The following VPS13A variants were observed in gnomAD, a reference collection of about 807,000 sequenced individuals.
VPS13A encodes the protein intermembrane lipid transfer protein VPS13A.
Under a neutral mutation model 390.9 loss-of-function variants are expected in VPS13A, and 264 were observed. The ratio of observed to expected loss-of-function variants is 0.68; its 90% CI spans 0.61 to 0.75. VPS13A has a LOEUF of 0.75. Among genes scored for constraint, VPS13A ranks in the 30% least tolerant of loss-of-function variants. The probability of loss-of-function intolerance (pLI) is 0.00; values close to 1 mark genes in which losing one functional copy is unlikely to be tolerated. For missense variants in VPS13A, 3,409 were observed against 3,733.9 expected, an observed-to-expected ratio of 0.91 and a Z score of 2.27; for synonymous variants, 1,231 against 1,227.1, an observed-to-expected ratio of 1.00 and a Z score of -0.07.
At chr9:77,190,507 T>G (rs1824609150) in intron 1 of VPS13A, among the ~76,000 whole-genome samples, 1 of 152,222 alleles carries the variant, frequency 6.6e-6, no homozygotes, top group Non-Finnish European at 1.5e-5. Context: ...TGCATTTATG[T>G]TAATCAGGGA....
intron 55 of VPS13A, 109 bp downstream of exon 55, chr9:77,356,976 T>A: frequency 8.3e-7 from 1 of 1,202,762 alleles, no homozygotes. Context: ...AACAAAATAA[T>A]CCTGTCATAC....
chr9:77,281,325 G>A (rs1160141329), intron 27 of VPS13A, among the ~76,000 whole-genome samples: 4 of 152,114 alleles, frequency 2.6e-5, no homozygotes, highest in Non-Finnish European at 2.9e-5. Context: ...ATAGGAAAGC[G>A]AGGTGACAGA....
intron 23 of VPS13A, among the ~76,000 whole-genome samples, chr9:77,265,860 C>T (rs1275615656): frequency 1.3e-5 from 2 of 152,054 alleles, no homozygotes; most frequent in African/African-American, 2.4e-5. Context: ...TCCTCTTGCT[C>T]TTGCTTCTCT....
At chr9:77,207,518 G>A (rs1825751576) in intron 5 of VPS13A, among the ~76,000 whole-genome samples, 1 of 150,808 alleles carries the variant, frequency 6.6e-6, no homozygotes, top group Admixed American at 6.6e-5. Flanking sequence ...TAGTATCATG[G>A]CTATATATAA....
chr9:77,360,552 A>G lies in VPS13A; in HGVS notation c.8122A>G (p.Ile2708Val). 2 of 1,612,208 alleles carry G rather than the reference A, an allele frequency of 1.2e-6. No individual in the cohort carries two copies. Among genetic ancestry groups the G allele is most frequent in the Non-Finnish European group, 1.7e-6 (2 of 1,178,624 alleles). Reference sequence around the variant, plus strand: ...GTAATACAGGTATTTCAAAGTATTGATTCAAGAAATGGATCTCAGGTTAGA... The same window carrying G: ...GTAATACAGGTATTTCAAAGTATTGGTTCAAGAAATGGATCTCAGGTTAGA... ...ISRIKYFKVL[I>V]QEMDLRLDLG... The change falls in exon 59 of 72, where the codon ATT becomes GTT. Residue 2708 changes from isoleucine (I) to valine (V), a missense_variant. By Grantham distance (29) the Ile-to-Val change is conservative. Coordinates refer to ENST00000360280, the MANE Select transcript of VPS13A (RefSeq NM_033305.3).
At chr9:77,294,033 A>G (rs567738075) in intron 32 of VPS13A, among the ~76,000 whole-genome samples, 1 of 152,040 alleles carries the variant, frequency 6.6e-6, no homozygotes, top group South Asian at 2.1e-4. Flanking sequence ...CCTCCTGAGT[A>G]GCTGAGACTA....
intron 71 of VPS13A, among the ~76,000 whole-genome samples, chr9:77,410,080 G>A (rs1412217282): frequency 6.6e-6 from 1 of 152,182 alleles, no homozygotes; most frequent in Admixed American, 6.5e-5. Context: ...AAGCCCATCA[G>A]ACTAATAGCT....
intron 31 of VPS13A, among the ~76,000 whole-genome samples, chr9:77,287,499 A>G (rs960431847): frequency 1.3e-5 from 2 of 152,142 alleles, no homozygotes; most frequent in Non-Finnish European, 2.9e-5. Flanking sequence ...CGCCTGGCCT[A>G]TTTGAGATAC....
chr9:77,336,299 C>A (rs1271949766), intron 46 of VPS13A, among the ~76,000 whole-genome samples: 1 of 151,896 alleles, frequency 6.6e-6, no homozygotes, highest in African/African-American at 2.4e-5. Flanking sequence ...ATGTGTATAC[C>A]TCTGTAACAA....
At chr9:77,212,213 A>G (rs1337096364) in intron 7 of VPS13A, among the ~76,000 whole-genome samples, 1 of 152,120 alleles carries the variant, frequency 6.6e-6, no homozygotes, top group African/African-American at 2.4e-5. Context: ...TTATCCTTAA[A>G]CAACTTATAA....
At chr9:77,349,031 C>A (rs921939814) in intron 52 of VPS13A, among the ~76,000 whole-genome samples, 37 of 151,560 alleles carry the variant, frequency 2.4e-4, no homozygotes, top group African/African-American at 9.0e-4. Context: ...ATTTCCTTCT[C>A]TTGGCTTTTA....
At chr9:77,310,654 A>T (rs1046933731) in intron 35 of VPS13A, among the ~76,000 whole-genome samples, 3 of 152,228 alleles carry the variant, frequency 2.0e-5, no homozygotes, top group African/African-American at 7.2e-5. Flanking sequence ...CAACACATGG[A>T]ATACTTCTTA....
At chr9:77,189,981 G>T (rs1824576799) in intron 1 of VPS13A, among the ~76,000 whole-genome samples, 1 of 152,052 alleles carries the variant, frequency 6.6e-6, no homozygotes, top group Non-Finnish European at 1.5e-5. Flanking sequence ...GAAGTTATTA[G>T]TTCTAGGAAC....
At chr9:77,389,851 G>A (rs1215152478) in intron 68 of VPS13A, 1 of 152,534 alleles carries the variant, frequency 6.6e-6, no homozygotes, top group African/African-American at 2.4e-5. Context: ...ATTTATCTAT[G>A]TTGTCTTTGA....
At chr9:77,244,185 C>CT (rs1564659340) in intron 19 of VPS13A, among the ~76,000 whole-genome samples, 1 of 152,128 alleles carries the variant, frequency 6.6e-6, no homozygotes, top group Non-Finnish European at 1.5e-5. Flanking sequence ...CTGCAGTGAG[C>CT]TATGATAGCA....
chr9:77,318,044 G>A (rs1197335670), intron 40 of VPS13A, among the ~76,000 whole-genome samples, 191 bp from the exon 41 acceptor site: 1 of 151,658 alleles, frequency 6.6e-6, no homozygotes, highest in Non-Finnish European at 1.5e-5. Flanking sequence ...GTAAATATCT[G>A]CAAGATTCAT....
intron 22 of VPS13A, among the ~76,000 whole-genome samples, chr9:77,257,308 C>T (rs931493914): frequency 6.6e-6 from 1 of 152,200 alleles, no homozygotes; most frequent in African/African-American, 2.4e-5. Flanking sequence ...GGTTGTAGCT[C>T]ACTGCAGCAT....
At chr9:77,355,562 T>C (rs1333122002) in intron 54 of VPS13A, among the ~76,000 whole-genome samples, 1 of 152,220 alleles carries the variant, frequency 6.6e-6, no homozygotes, top group Admixed American at 6.5e-5. Flanking sequence ...TCATCTGACC[T>C]TAAGACTTCA....
chr9:77,406,435 T>C (rs1316620002), intron 70 of VPS13A, among the ~76,000 whole-genome samples: 2 of 152,032 alleles, frequency 1.3e-5, no homozygotes, highest in Non-Finnish European at 2.9e-5. Flanking sequence ...TTTTTTCTTT[T>C]TTGAGACAGA....
Sources: allele counts gnomAD v4.1 joint callset (sites outside exome capture counted in the v4.1 genomes callset), GRCh38; gene constraint gnomAD v4.1.1; transcripts MANE v1.5; gene names NCBI Gene and HGNC (gene_info 2026-07-23, HGNC 2026-07-21).